RBFOX1: variants seen among roughly 807,000 people sequenced by gnomAD.
RBFOX1 encodes the protein RNA binding protein fox-1 homolog 1.
Under a neutral mutation model 57.7 loss-of-function variants are expected in RBFOX1, and 8 were observed. The ratio of observed to expected loss-of-function variants is 0.14; its 90% CI spans 0.08 to 0.25. RBFOX1 has a LOEUF of 0.25. Among genes scored for constraint, RBFOX1 ranks in the 10% least tolerant of loss-of-function variants. The pLI is 1.00. For missense variants in RBFOX1, 611 were observed against 548.5 expected (o/e 1.11, Z -1.14); for synonymous variants, 326 against 222.4 (o/e 1.47, Z -4.15).
chr16:7,215,829 A>G (rs1040320208), intron 4 of RBFOX1, among the ~76,000 whole-genome samples: 1 of 148,498 alleles, frequency 6.7e-6, no homozygotes, highest in African/African-American at 2.5e-5. Flanking sequence ...GGTTCACGCC[A>G]TTCTCCTGCC....
intron 1 of RBFOX1, among the ~76,000 whole-genome samples, chr16:5,329,696 G>A (rs967214756): frequency 3.9e-5 from 6 of 152,194 alleles, no homozygotes; most frequent in African/African-American, 1.4e-4. Context: ...CAGCTGTGAA[G>A]TCCAAGATCA....
intron 3 of RBFOX1, among the ~76,000 whole-genome samples, chr16:5,615,208 T>C (rs936339689): frequency 1.3e-5 from 2 of 152,164 alleles, no homozygotes; most frequent in Non-Finnish European, 2.9e-5. Context: ...CTATCTTCAT[T>C]TTTGTACAGA....
chr16:5,969,868 C>A (rs904692717), intron 4 of RBFOX1, among the ~76,000 whole-genome samples: 1 of 152,028 alleles, frequency 6.6e-6, no homozygotes, highest in South Asian at 2.1e-4. Context: ...GTCCTCCAAG[C>A]AACTCTGACT....
intron 4 of RBFOX1, among the ~76,000 whole-genome samples, chr16:7,493,391 G>T (rs187245874): frequency 1.3e-5 from 2 of 152,120 alleles, no homozygotes; most frequent in Non-Finnish European, 2.9e-5. Flanking sequence ...ACTCAGTAAC[G>T]CCCACAAATC....
intron 4 of RBFOX1, among the ~76,000 whole-genome samples, chr16:7,507,403 C>A (rs2073671581): frequency 6.6e-6 from 1 of 152,060 alleles, no homozygotes; most frequent in South Asian, 2.1e-4. Flanking sequence ...AGAGATCAGA[C>A]TGACAGAATA....
intron 2 of RBFOX1, among the ~76,000 whole-genome samples, chr16:6,508,056 C>G (rs1379823762): frequency 6.6e-6 from 1 of 152,120 alleles, no homozygotes; most frequent in African/African-American, 2.4e-5. Context: ...AGATCATGTC[C>G]TTTGCAGGGA....
chr16:7,035,658 C>T (rs2044193640), intron 3 of RBFOX1, among the ~76,000 whole-genome samples: 1 of 152,082 alleles, frequency 6.6e-6, no homozygotes, highest in South Asian at 2.1e-4. Context: ...CTTCCAGTGT[C>T]TAATTAATCC....
chr16:5,660,549 G>C (rs2151387701), intron 3 of RBFOX1, among the ~76,000 whole-genome samples: 1 of 152,314 alleles, frequency 6.6e-6, no homozygotes, highest in African/African-American at 2.4e-5. Context: ...GTGCTATTCT[G>C]ATTGGGTGTT....
intron 3 of RBFOX1, among the ~76,000 whole-genome samples, chr16:5,791,460 G>C (rs919631362): frequency 6.6e-6 from 1 of 152,066 alleles, no homozygotes; most frequent in African/African-American, 2.4e-5. Flanking sequence ...TATCCCCCTG[G>C]GATCTTGGCC....
At chr16:6,322,753 A>G (rs1329644137) in intron 2 of RBFOX1, among the ~76,000 whole-genome samples, 1 of 152,194 alleles carries the variant, frequency 6.6e-6, no homozygotes, top group Admixed American at 6.5e-5. Context: ...GGAAGAGGTT[A>G]AAAGGCGCCA....
chr16:6,978,831 C>A (rs536358395), intron 3 of RBFOX1, among the ~76,000 whole-genome samples: 2 of 152,278 alleles, frequency 1.3e-5, no homozygotes, highest in East Asian at 1.9e-4. Flanking sequence ...GTAACAAATG[C>A]CTTCAATCCC....
chr16:5,714,499 C>A (rs2051614607), intron 3 of RBFOX1, among the ~76,000 whole-genome samples: 1 of 152,204 alleles, frequency 6.6e-6, no homozygotes, highest in Non-Finnish European at 1.5e-5. Context: ...AGCCCAGGTG[C>A]ATAGGCAGAG....
chr16:6,368,546 TC>T (rs1410071894), intron 2 of RBFOX1, among the ~76,000 whole-genome samples: 1 of 152,204 alleles, frequency 6.6e-6, no homozygotes, highest in African/African-American at 2.4e-5. Flanking sequence ...CTCCTTTATT[TC>T]TTCCCTGCCT....
chr16:6,116,667 T>C (rs1290057632), intron 1 of RBFOX1, among the ~76,000 whole-genome samples: 2 of 152,220 alleles, frequency 1.3e-5, no homozygotes, highest in East Asian at 1.9e-4. Flanking sequence ...TTTCCTGTTA[T>C]GTGCGACAGC....
At position 6,938,219 on chromosome 16, in the gene RBFOX1, A is replaced by C. The variant is rs570840305; in HGVS notation, c.-15-113838A>C. On this transcript the variant is annotated intron_variant, in intron 3 of 15. Coordinates refer to ENST00000550418, the MANE Select transcript of RBFOX1 (RefSeq NM_018723.4). ...AATATAATCTGTCATTGTCCAGATTAGATCATTGTCCTATAAATATCAGGT... is the reference window on the plus strand; with the variant it reads ...AATATAATCTGTCATTGTCCAGATTCGATCATTGTCCTATAAATATCAGGT... 2.6e-5 allele frequency among the ~76,000 whole-genome samples: 4 copies of C among 152,338 alleles called. No individual in the cohort carries two copies. The South Asian group carries it at 8.3e-4, about 32-fold the overall frequency.
chr16:5,909,975 C>A (rs879845726), intron 4 of RBFOX1, among the ~76,000 whole-genome samples: 3 of 152,020 alleles, frequency 2.0e-5, no homozygotes, highest in Non-Finnish European at 4.4e-5. Flanking sequence ...GTCACTTGAA[C>A]CTGGGAGGCG....
chr16:6,917,376 T>G (rs1021074719), intron 3 of RBFOX1, among the ~76,000 whole-genome samples: 3 of 152,190 alleles, frequency 2.0e-5, no homozygotes, highest in African/African-American at 7.2e-5. Flanking sequence ...AATGAAGAGT[T>G]TCTGAACTTG....
At chr16:7,024,137 TATC>T (rs577234856) in intron 3 of RBFOX1, among the ~76,000 whole-genome samples, 166 of 152,290 alleles carry the variant, frequency 1.1e-3, no homozygotes, top group African/African-American at 3.9e-3. Context: ...TGCTTTATGT[TATC>T]ATATTAAAGA....
intron 3 of RBFOX1, among the ~76,000 whole-genome samples, chr16:6,743,019 A>G (rs1156805921): frequency 2.0e-5 from 3 of 152,192 alleles, no homozygotes; most frequent in Non-Finnish European, 4.4e-5. Context: ...ATAAGATGTA[A>G]CAAATGGGTT....
Sources: allele counts gnomAD v4.1 joint callset (sites outside exome capture counted in the v4.1 genomes callset), GRCh38; gene constraint gnomAD v4.1.1; transcripts MANE v1.5; gene names NCBI Gene and HGNC (gene_info 2026-07-23, HGNC 2026-07-21).